CAMKK2: variants seen among roughly 807,000 people sequenced by gnomAD.
CAMKK2 encodes calcium/calmodulin dependent protein kinase kinase 2, also known as calcium/calmodulin-dependent protein kinase kinase 2.
CAMKK2 carries 30 observed loss-of-function variants against 67.2 expected under a neutral mutation model. The ratio of observed to expected loss-of-function variants is 0.45; its 90% CI spans 0.33 to 0.61. The LOEUF (loss-of-function observed/expected upper bound fraction) is 0.61, where lower values mean the gene tolerates loss of function less well. CAMKK2 is among the 20% of genes least tolerant of loss of function. The pLI, the probability that CAMKK2 is intolerant of heterozygous loss-of-function variation, is 0.02. For missense variants in CAMKK2, 643 were observed against 802.0 expected (o/e 0.80, Z 2.39); for synonymous variants, 322 against 326.2 (o/e 0.99, Z 0.14).
intron 1 of CAMKK2, among the ~76,000 whole-genome samples, chr12:121,295,280 C>G (rs1900919297): frequency 6.6e-6 from 1 of 152,184 alleles, no homozygotes; most frequent in African/African-American, 2.4e-5. Flanking sequence ...TGCCTGCTTC[C>G]TCCATAGGAA....
intron 4 of CAMKK2, among the ~76,000 whole-genome samples, 168 bp downstream of exon 4, chr12:121,269,360 T>C (rs1895270075): frequency 6.6e-6 from 1 of 152,170 alleles, no homozygotes. Flanking sequence ...CTCCCCATTT[T>C]CCTATCTGTA....
chr12:121,248,696 C>T lies in CAMKK2; in HGVS notation c.1362G>A (p.Leu454=), dbSNP rs1890010936. ...PWVTRHGAEP[L]PSEDENCTLV... ...GCGTGCAGTTCTCATCCTCCGACGG[C>T]AACGGCTCCGCCCCATGCCTCGTGA... Residue 454 remains leucine, a synonymous_variant, in exon 14 of 17, where the codon TTG becomes TTA. Transcript: ENST00000404169. 16 of 1,614,200 alleles carry T rather than the reference C, an allele frequency of 9.9e-6. No homozygotes were observed. The highest frequency in any genetic ancestry group is 1.3e-5 in the Non-Finnish European group (15 of 1,180,022).
chr12:121,260,371 T>C lies in CAMKK2; in HGVS notation c.760-16A>G. On this transcript the variant is annotated splice_polypyrimidine_tract_variant and intron_variant, in intron 6 of 16. Coordinates refer to ENST00000404169, the MANE Select transcript of CAMKK2 (RefSeq NM_001270485.2). ...CATCCAGGACCTTGGCACAGCCACATGGAATAGGCAGGAGACGGATGGCGG... is the reference window on the plus strand; with the variant it reads ...CATCCAGGACCTTGGCACAGCCACACGGAATAGGCAGGAGACGGATGGCGG... 6.2e-7 allele frequency: 1 copy of C among 1,610,682 alleles called. No individual in the cohort carries two copies. Among genetic ancestry groups the C allele is most frequent in the Non-Finnish European group, 8.5e-7 (1 of 1,178,618 alleles).
In CAMKK2 at chr12:121,245,445, C is replaced by T. The variant is rs1190287884; in HGVS notation, c.1453-205G>A. 6.6e-6 allele frequency among the ~76,000 whole-genome samples: 1 copy of T among 152,200 alleles called. No individual in the cohort carries two copies. Among genetic ancestry groups the T allele is most frequent in the Non-Finnish European group, 1.5e-5 (1 of 68,044 alleles). On this transcript the variant is annotated intron_variant, in intron 14 of 16. Coordinates refer to ENST00000404169, the MANE Select transcript of CAMKK2 (RefSeq NM_001270485.2). The surrounding 1 kb of genome is among the most constrained non-coding windows in gnomAD (Gnocchi z 5.8). ...TCCTCTGGGAAAAGGTGCTGTCCTG[C>T]ACCACACCCTCAGCCACTGCTCAGC... is the stretch of plus-strand genomic sequence containing the variant.
chr12:121,271,328 T>C (rs11830323), intron 2 of CAMKK2, among the ~76,000 whole-genome samples: 6,946 of 141,318 alleles, frequency 0.049, 531 homozygotes, highest in African/African-American at 0.17. Context: ...ATTAAACACA[T>C]ACAGGTAACC....
At chr12:121,268,956 C>G (rs544703255) in intron 4 of CAMKK2, among the ~76,000 whole-genome samples, 5 of 152,060 alleles carry the variant, frequency 3.3e-5, no homozygotes, top group African/African-American at 4.8e-5. Flanking sequence ...TGGGAAACCA[C>G]GAGCCTCAGG....
chr12:121,265,984 T>G (rs1363170751), intron 5 of CAMKK2, among the ~76,000 whole-genome samples: 2 of 152,072 alleles, frequency 1.3e-5, no homozygotes, highest in Non-Finnish European at 2.9e-5. Flanking sequence ...CAGACTGGAG[T>G]GCAGTGGCGC....
At chr12:121,288,842 A>G (rs1899339994) in intron 1 of CAMKK2, among the ~76,000 whole-genome samples, 1 of 152,150 alleles carries the variant, frequency 6.6e-6, no homozygotes, top group African/African-American at 2.4e-5. Context: ...ACCAGGATAA[A>G]AAGAGGCAAC....
At chr12:121,258,968 G>A (rs566237563) in intron 7 of CAMKK2, among the ~76,000 whole-genome samples, 13 of 151,192 alleles carry the variant, frequency 8.6e-5, no homozygotes, top group East Asian at 1.9e-4. Flanking sequence ...TCAGCCTCCC[G>A]AGTAGCCAAG....
chr12:121,297,297 G>C (rs1330370186), upstream of CAMKK2: 2 of 256,972 alleles, frequency 7.8e-6, no homozygotes, highest in Admixed American at 4.6e-5. Flanking sequence ...CTAGGCGCCG[G>C]GCGGTGGATG....
chr12:121,284,274 G>A (rs1035984233), intron 1 of CAMKK2, among the ~76,000 whole-genome samples: 13 of 152,356 alleles, frequency 8.5e-5, no homozygotes, highest in African/African-American at 2.4e-4. Context: ...GTGGTTCTAG[G>A]CAGGGCGACA....
chr12:121,245,668 T>C lies in CAMKK2; in HGVS notation c.1453-428A>G, dbSNP rs550609128. Among the ~76,000 whole-genome samples, 5 of 152,252 alleles carry C rather than the reference T, an allele frequency of 3.3e-5. No homozygotes were observed. The highest frequency in any genetic ancestry group is 5.9e-5 in the Non-Finnish European group (4 of 68,022). ...TTCTTGGTGATGCTCTTGGCTGCCA[T>C]TTCCCATGAAGGGAATGGCCTGAGG... On this transcript the variant is annotated intron_variant, in intron 14 of 16. Transcript: ENST00000404169. The surrounding 1 kb of genome is among the most constrained non-coding windows in gnomAD (Gnocchi z 5.8).
At chr12:121,289,917 G>T (rs957798895) in intron 1 of CAMKK2, among the ~76,000 whole-genome samples, 2 of 136,614 alleles carry the variant, frequency 1.5e-5, no homozygotes, top group African/African-American at 6.8e-5. Context: ...AAAAAGGCGG[G>T]GCGGGGAGCC....
chr12:121,280,026 C>T (rs942876609), intron 1 of CAMKK2, among the ~76,000 whole-genome samples: 1 of 152,020 alleles, frequency 6.6e-6, no homozygotes, highest in African/African-American at 2.4e-5. Context: ...CTGGGCACAA[C>T]AAAAAGGCCC....
intron 7 of CAMKK2, among the ~76,000 whole-genome samples, chr12:121,257,527 C>CA (rs1366703270): frequency 6.6e-6 from 1 of 151,808 alleles, no homozygotes; most frequent in East Asian, 1.9e-4. Context: ...GGGTTACAGG[C>CA]AAAAAAATTT....
In CAMKK2 at chr12:121,255,769, G is replaced by A; in HGVS notation, c.818+14C>T. 1 of 1,613,850 alleles carries A rather than the reference G, an allele frequency of 6.2e-7. No homozygotes were observed. The highest frequency in any genetic ancestry group is 8.5e-7 in the Non-Finnish European group (1 of 1,179,794). The stretch of plus-strand genomic sequence containing the variant: ...GCTTCTTGCATCACCCCTGCTGGGA[G>A]CTGGGACACTCACCCTTGGTTGACC... On this transcript the variant is annotated intron_variant, in intron 8 of 16. Coordinates refer to ENST00000404169, the MANE Select transcript of CAMKK2 (RefSeq NM_001270485.2).
chr12:121,253,144 G>T lies in CAMKK2; in HGVS notation c.1107+129C>A. 1 of 768,790 alleles carries T rather than the reference G, an allele frequency of 1.3e-6. No individual in the cohort carries two copies. Among genetic ancestry groups the T allele is most frequent in the Non-Finnish European group, 2.2e-6 (1 of 458,922 alleles). 47.6% of individuals were successfully genotyped at this position (768,790 alleles called of 1,614,324 possible). The stretch of plus-strand genomic sequence containing the variant: ...GTCCCTGGATCTAGCCAAGCCTGAA[G>T]CCTACCCCTCAGTATCTTGATCCAG... On this transcript the variant is annotated intron_variant, in intron 10 of 16. Transcript: ENST00000404169. The surrounding 1 kb of genome is among the most constrained non-coding windows in gnomAD (Gnocchi z 5.0).
chr12:121,265,913 G>C (rs1313443892), intron 5 of CAMKK2, among the ~76,000 whole-genome samples: 2 of 151,844 alleles, frequency 1.3e-5, no homozygotes, highest in African/African-American at 4.8e-5. Flanking sequence ...TGCCATGTAA[G>C]GATGCGGTCA....
chr12:121,246,184 C>T (rs537726948), intron 14 of CAMKK2, among the ~76,000 whole-genome samples: 1 of 149,580 alleles, frequency 6.7e-6, no homozygotes, highest in Non-Finnish European at 1.5e-5. Flanking sequence ...TGTGAATGTC[C>T]CAAATGTCAC....
Sources: gnomAD v4.1 joint callset for allele counts (sites outside exome capture counted in the v4.1 genomes callset) on GRCh38, gnomAD v4.1.1 for gene constraint, Gnocchi (gnomAD v3.1) non-coding constraint, MANE v1.5 for transcripts, NCBI Gene and HGNC (gene_info 2026-07-23, HGNC 2026-07-21) for gene names.